Variants in EXO1 observed in about 807,000 individuals in gnomAD.
The protein encoded by EXO1 is exonuclease 1.
EXO1 carries 69 observed loss-of-function variants against 84.5 expected under a neutral mutation model. The observed-to-expected ratio is 0.82, with a 90% CI of 0.67 to 1.00. EXO1 has a LOEUF of 1.00. Ranked by LOEUF, EXO1 falls within the 50% of genes least tolerant of loss-of-function variation. The pLI is 0.00. For synonymous variants in EXO1, 373 were observed against 366.1 expected (o/e 1.02, Z -0.21); for missense variants, 1,045 against 1,000.7 (o/e 1.04, Z -0.60).
In EXO1 at chr1:241,879,446, T is replaced by A; in HGVS notation, c.2109+103T>A. ...TTTCCTACATGTGAATGACGAGCTA[T>A]ATTATTTTTTCATTCTAAACTCTAC... On this transcript the variant is annotated intron_variant, in intron 13 of 15. Transcript: ENST00000366548. 3 of 684,738 alleles carry A rather than the reference T, an allele frequency of 4.4e-6. No individual in the cohort carries two copies. In the South Asian group the frequency reaches 5.4e-5, roughly 12 times the overall value. The allele number at this position is 684,738 out of a possible 1,614,324, so 42.4% of individuals were successfully genotyped here.
At chr1:241,868,398 A>T (rs950300756) in intron 11 of EXO1, among the ~76,000 whole-genome samples, 2 of 147,646 alleles carry the variant, frequency 1.4e-5, no homozygotes, top group African/African-American at 2.5e-5. Context: ...AAAAAAAAAA[A>T]TTAAGAAAGC....
intron 15 of EXO1, among the ~76,000 whole-genome samples, chr1:241,887,783 C>T (rs1339258388): frequency 1.3e-5 from 2 of 152,052 alleles, no homozygotes; most frequent in South Asian, 2.1e-4. Flanking sequence ...GGATTACAGG[C>T]GCCTGCCACC....
At position 241,879,071 on chromosome 1, in the gene EXO1, G is replaced by A; in HGVS notation, c.1837G>A (p.Gly613Arg). The A allele has an allele frequency of 1.2e-6, 2 of 1,614,166 alleles. No homozygotes were observed. Among genetic ancestry groups the A allele is most frequent in the Non-Finnish European group, 1.7e-6 (2 of 1,180,000 alleles). ...ACTAAGAAGTTGTTTTAGTTGGTCTGGAGGTCTTGGAGATTTTTCAAGAAC... is the reference window on the plus strand; with the variant it reads ...ACTAAGAAGTTGTTTTAGTTGGTCTAGAGGTCTTGGAGATTTTTCAAGAAC... ...GTLRSCFSWS[G>R]GLGDFSRTPS... Residue 613 changes from glycine to arginine, a missense_variant, in exon 13 of 16, where the codon GGA becomes AGA. Transcript: ENST00000366548.
intron 10 of EXO1, among the ~76,000 whole-genome samples, chr1:241,865,191 A>ATATG (rs1661642428): frequency 7.9e-6 from 1 of 125,906 alleles, no homozygotes; most frequent in African/African-American, 2.7e-5. Context: ...ATATATATAT[A>ATATG]TATATTTTTT....
Position 241,879,027 on chromosome 1 carries a change from C to T in EXO1, c.1793C>T (p.Ser598Leu). 1 of 1,614,200 alleles carries T rather than the reference C, an allele frequency of 6.2e-7. No individual in the cohort carries two copies. Among genetic ancestry groups the T allele is most frequent in the East Asian group, 2.2e-5 (1 of 44,884 alleles). Residue 598 changes from serine to leucine, a missense_variant, in exon 13 of 16, where the codon TCA (serine) becomes TTA (leucine). Transcript: ENST00000366548. ...AGCAGCAAATTTACAAGGACCATTT[C>T]ACCACCCACTTTGGGAACACTAAGA... ...FESSKFTRTI[S>L]PPTLGTLRSC...
intron 13 of EXO1, 54 bp from the exon 14 acceptor site, chr1:241,881,862 A>G (rs1662773520): frequency 3.4e-6 from 3 of 883,308 alleles, no homozygotes; most frequent in African/African-American, 1.7e-5. Flanking sequence ...GTTGTCATAA[A>G]AATTCTACAG....
At chr1:241,848,076 G>C (rs371654255), upstream of EXO1, 5 of 152,414 alleles carry the variant, frequency 3.3e-5, no homozygotes, top group South Asian at 4.1e-4. This position sits in a 1 kb window ranked among gnomAD's most constrained non-coding sequence, Gnocchi z 4.2. Flanking sequence ...TCTACCCAGC[G>C]AGACGGAGAG....
chr1:241,850,141 C>T (rs1303590868), intron 3 of EXO1, among the ~76,000 whole-genome samples: 6 of 152,012 alleles, frequency 3.9e-5, no homozygotes, highest in Non-Finnish European at 5.9e-5. Context: ...ATTAGCCGGG[C>T]GCGGTGGCGG....
chr1:241,887,862 C>A (rs1429199083), intron 15 of EXO1, among the ~76,000 whole-genome samples: 1 of 152,080 alleles, frequency 6.6e-6, no homozygotes, highest in African/African-American at 2.4e-5. Context: ...TGGTTTTGAA[C>A]TCCTGACCTC....
intron 12 of EXO1, among the ~76,000 whole-genome samples, chr1:241,875,979 AGT>A (rs938890079): frequency 1.3e-5 from 2 of 152,192 alleles, no homozygotes; most frequent in African/African-American, 4.8e-5. Context: ...CTGGGGTGAG[AGT>A]AGAGTGTCCC....
chr1:241,885,021 A>C (rs1349354534), intron 14 of EXO1, among the ~76,000 whole-genome samples: 4 of 151,814 alleles, frequency 2.6e-5, no homozygotes, highest in Non-Finnish European at 5.9e-5. Flanking sequence ...TCCTGGCTAA[A>C]ACGGTGAAAC....
Position 241,882,320 on chromosome 1 carries a change from G to T in EXO1, c.2211+303G>T, listed in dbSNP as rs540682524. Among the ~76,000 whole-genome samples the T allele has an allele frequency of 5.6e-3, 850 of 151,994 alleles. 6 individuals are homozygous for T. Among genetic ancestry groups the T allele is most frequent in the South Asian group, 9.3e-3 (45 of 4,820 alleles). On this transcript the variant is annotated intron_variant, in intron 14 of 15. Coordinates refer to ENST00000366548, the MANE Select transcript of EXO1 (RefSeq NM_130398.4). Reference sequence around the variant, plus strand: ...TTTGTCATTTACCCTAAATTTTTTTGCTCTAGCAAATAATACTGCAACCAA... The same window carrying T: ...TTTGTCATTTACCCTAAATTTTTTTTCTCTAGCAAATAATACTGCAACCAA...
rs1213064490 is a variant in EXO1, at chr1:241,848,970, C to A, written c.-180C>A. The A allele has an allele frequency of 1.3e-5, 2 of 152,180 alleles. No homozygotes were observed. Among genetic ancestry groups the A allele is most frequent in the African/African-American group, 4.8e-5 (2 of 41,416 alleles). 9.4% of individuals were successfully genotyped at this position (152,180 alleles called of 1,614,324 possible). ...AAGAAACTTATGTAAATTTCATGAA[C>A]TATTATATCCGTTTTCCTCGGAGTG... On this transcript the variant is annotated 5_prime_UTR_variant, in exon 2 of 16. Coordinates refer to ENST00000366548, the MANE Select transcript of EXO1 (RefSeq NM_130398.4). The surrounding 1 kb of genome is among the most constrained non-coding windows in gnomAD (Gnocchi z 4.2).
chr1:241,849,568 G>C (rs996188447), intron 3 of EXO1, among the ~76,000 whole-genome samples: 1 of 152,250 alleles, frequency 6.6e-6, no homozygotes, highest in African/African-American at 2.4e-5. Context: ...TTACCAGAAT[G>C]TTCGTGCTTA....
intron 10 of EXO1, among the ~76,000 whole-genome samples, chr1:241,865,128 C>T (rs1432401884): frequency 3.3e-5 from 5 of 150,898 alleles, no homozygotes; most frequent in Non-Finnish European, 5.9e-5. Flanking sequence ...CCTTGGCCTC[C>T]AAAACTTCTG....
intron 12 of EXO1, among the ~76,000 whole-genome samples, chr1:241,872,768 G>T (rs1662189048): frequency 6.6e-6 from 1 of 152,098 alleles, no homozygotes. Context: ...TGGGCATTTG[G>T]GTTGGTTCCA....
At chr1:241,862,645 G>A (rs1295523798) in intron 10 of EXO1, among the ~76,000 whole-genome samples, 1 of 152,146 alleles carries the variant, frequency 6.6e-6, no homozygotes, top group Non-Finnish European at 1.5e-5. Context: ...TCTTCATAAA[G>A]GCAGAACTTG....
chr1:241,874,478 A>G (rs1034202362), intron 12 of EXO1, among the ~76,000 whole-genome samples: 3 of 152,194 alleles, frequency 2.0e-5, no homozygotes, highest in Admixed American at 1.3e-4. Context: ...TTTTAGATCA[A>G]CCATTCTGAG....
At chr1:241,858,373 CCTGT>C (rs780815057) in intron 7 of EXO1, 129 bp from the exon 8 acceptor site, 13 of 647,484 alleles carry the variant, frequency 2.0e-5, no homozygotes, top group Non-Finnish European at 3.3e-5. Flanking sequence ...TAATCATCAG[CCTGT>C]CTATCTATGT....
Sources: gnomAD v4.1 joint callset for allele counts (sites outside exome capture counted in the v4.1 genomes callset) on GRCh38, gnomAD v4.1.1 for gene constraint, Gnocchi (gnomAD v3.1) non-coding constraint, MANE v1.5 for transcripts, NCBI Gene and HGNC (gene_info 2026-07-23, HGNC 2026-07-21) for gene names.